The following NFIA variants were observed in gnomAD, a reference collection of about 807,000 sequenced individuals.
The protein encoded by NFIA is nuclear factor 1 A-type.
A neutral mutation model predicts 62.8 loss-of-function variants in NFIA; 8 were observed. The observed-to-expected ratio is 0.13, with a 90% CI of 0.07 to 0.23. The LOEUF is 0.23. Ranked by LOEUF, NFIA falls within the 10% of genes least tolerant of loss-of-function variation. NFIA has a pLI of 1.00. For synonymous variants in NFIA, 235 were observed against 238.1 expected (o/e 0.99, Z 0.12); for missense variants, 410 against 642.1 (o/e 0.64, Z 3.91).
intron 2 of NFIA, among the ~76,000 whole-genome samples, chr1:61,197,094 G>T (rs1039254216): frequency 3.3e-5 from 5 of 152,044 alleles, no homozygotes; most frequent in Non-Finnish European, 7.4e-5. Context: ...AGCAGTATTC[G>T]GAATGCAACG....
At chr1:61,106,717 A>G (rs763863098) in intron 2 of NFIA, among the ~76,000 whole-genome samples, 9 of 151,636 alleles carry the variant, frequency 5.9e-5, no homozygotes, top group African/African-American at 9.7e-5. Flanking sequence ...AACACATAGT[A>G]TGAACTGAAA....
At chr1:61,093,488 T>C (rs988488546) in intron 2 of NFIA, among the ~76,000 whole-genome samples, 4 of 152,212 alleles carry the variant, frequency 2.6e-5, no homozygotes, top group South Asian at 2.1e-4. Flanking sequence ...ATTATTGATA[T>C]ATGGCATATT....
At chr1:61,301,477 G>T (rs922757931) in intron 3 of NFIA, among the ~76,000 whole-genome samples, 1 of 152,154 alleles carries the variant, frequency 6.6e-6, no homozygotes, top group Non-Finnish European at 1.5e-5. Context: ...TCCCATTGGT[G>T]TTTTTTAAGA....
chr1:61,151,787 G>A (rs1356171601), intron 2 of NFIA, among the ~76,000 whole-genome samples: 1 of 152,126 alleles, frequency 6.6e-6, no homozygotes, highest in African/African-American at 2.4e-5. Flanking sequence ...AGATTCCACT[G>A]GCTCACAGAG....
chr1:61,413,395 A>G (rs1386904286), intron 9 of NFIA, among the ~76,000 whole-genome samples: 1 of 152,064 alleles, frequency 6.6e-6, no homozygotes, highest in Non-Finnish European at 1.5e-5. Context: ...CAACACTCCT[A>G]TGAGGTCAGG....
At chr1:61,432,336 C>T (rs928263414) in intron 10 of NFIA, among the ~76,000 whole-genome samples, 3 of 151,694 alleles carry the variant, frequency 2.0e-5, no homozygotes, top group East Asian at 3.9e-4. Flanking sequence ...TTTACTGCTG[C>T]ACAAGGCTCA....
intron 2 of NFIA, among the ~76,000 whole-genome samples, chr1:61,094,354 A>G (rs561065920): frequency 5.7e-4 from 87 of 152,364 alleles, no homozygotes; most frequent in Non-Finnish European, 1.1e-3. Context: ...TTTTGGTTTC[A>G]GTAATGACTG....
chr1:61,311,709 T>C (rs180705487), intron 3 of NFIA, among the ~76,000 whole-genome samples: 4 of 152,316 alleles, frequency 2.6e-5, no homozygotes, highest in African/African-American at 7.2e-5. Flanking sequence ...AACTAACATA[T>C]TGAATTCCAT....
At chr1:61,185,273 T>C (rs941657188) in intron 2 of NFIA, among the ~76,000 whole-genome samples, 1 of 152,232 alleles carries the variant, frequency 6.6e-6, no homozygotes, top group Admixed American at 6.5e-5. Context: ...GTAGTAGTCT[T>C]CTGAGCCCTA....
At chr1:61,276,234 G>A (rs570156104) in intron 2 of NFIA, among the ~76,000 whole-genome samples, 11 of 152,126 alleles carry the variant, frequency 7.2e-5, no homozygotes, top group South Asian at 6.2e-4. Flanking sequence ...TAAAATCTTC[G>A]TTTGCTTAAA....
rs1646253089 is a variant in NFIA at position 61,088,144 on chromosome 1, C to T, written c.28-5C>T. The stretch of plus-strand genomic sequence containing the variant: ...TTATATTTTTCTTTTTGTTCATTTT[C>T]CTAGGATGAATTTCATCCTTTCATC... On this transcript the variant is annotated splice_polypyrimidine_tract_variant and splice_region_variant and intron_variant, in intron 1 of 10. Transcript: ENST00000403491. The surrounding 1 kb of genome is among the most constrained non-coding windows in gnomAD (Gnocchi z 4.5). 1 of 1,578,058 alleles carries T rather than the reference C, an allele frequency of 6.3e-7. No individual in the cohort carries two copies. The highest frequency in any genetic ancestry group is 2.0e-5 in the Admixed American group (1 of 51,234).
chr1:61,155,584 G>A lies in NFIA; in HGVS notation c.559+66904G>A, dbSNP rs953283645. On this transcript the variant is annotated intron_variant, in intron 2 of 10. Transcript: ENST00000403491. The stretch of plus-strand genomic sequence containing the variant: ...GCTACTCAGGAGGCTGAGGCAGGAG[G>A]ATGGCGTGAACCCGGGAAGCGGAGC... Among the ~76,000 whole-genome samples the A allele has an allele frequency of 2.7e-5, 4 of 150,932 alleles. No individual in the cohort carries two copies. In the South Asian group the frequency reaches 8.4e-4, roughly 32 times the overall value.
chr1:61,403,557 A>G (rs1432185616), intron 7 of NFIA, among the ~76,000 whole-genome samples: 1 of 152,220 alleles, frequency 6.6e-6, no homozygotes, highest in African/African-American at 2.4e-5. Context: ...CCATCCGTGT[A>G]AAGTGAGGCA....
At position 61,409,600 on chromosome 1, in the gene NFIA, T is replaced by G. The variant is rs570086956; in HGVS notation, c.1420+2873T>G. ...TTTTTTTAAATCAGAAGACAAAATA[T>G]CACCTTTATTATGAGAGAATTTAGT... is the stretch of plus-strand genomic sequence containing the variant. On this transcript the variant is annotated intron_variant, in intron 9 of 10. Coordinates refer to ENST00000403491, the MANE Select transcript of NFIA (RefSeq NM_001134673.4). 3.3e-5 allele frequency among the ~76,000 whole-genome samples: 5 copies of G among 152,304 alleles called. No homozygotes were observed. The East Asian group carries it at 9.6e-4, about 29-fold the overall frequency.
intron 3 of NFIA, among the ~76,000 whole-genome samples, chr1:61,321,118 A>T (rs1424492284): frequency 6.6e-6 from 1 of 151,910 alleles, no homozygotes; most frequent in African/African-American, 2.4e-5. Context: ...AAACCATAAA[A>T]TTAATTTTAA....
At chr1:61,373,019 A>T (rs529507793) in intron 6 of NFIA, among the ~76,000 whole-genome samples, 2 of 152,302 alleles carry the variant, frequency 1.3e-5, no homozygotes, top group South Asian at 4.1e-4. Context: ...CTTTAAAAAA[A>T]TTCATTTTCT....
chr1:61,366,022 G>C (rs1284580667), intron 6 of NFIA, among the ~76,000 whole-genome samples: 1 of 152,174 alleles, frequency 6.6e-6, no homozygotes, highest in Non-Finnish European at 1.5e-5. Context: ...GATGGAATCA[G>C]ACTGAGAAAT....
chr1:61,316,079 C>T (rs997024429), intron 3 of NFIA, among the ~76,000 whole-genome samples: 3 of 152,166 alleles, frequency 2.0e-5, no homozygotes, highest in Non-Finnish European at 2.9e-5. Context: ...AATCAAGATT[C>T]TTCCAGAAAG....
intron 2 of NFIA, among the ~76,000 whole-genome samples, chr1:61,259,874 T>G (rs570859622): frequency 9.0e-4 from 137 of 152,374 alleles, no homozygotes; most frequent in African/African-American, 3.1e-3. Context: ...AAGCCATTGT[T>G]GCCGTGCAGT....
Sources: gnomAD v4.1 joint callset for allele counts (sites outside exome capture counted in the v4.1 genomes callset) on GRCh38, gnomAD v4.1.1 for gene constraint, Gnocchi (gnomAD v3.1) non-coding constraint, MANE v1.5 for transcripts, NCBI Gene and HGNC (gene_info 2026-07-23, HGNC 2026-07-21) for gene names.